The following CDH12 variants were observed in gnomAD, a reference collection of about 807,000 sequenced individuals.
CDH12 encodes cadherin-12.
A neutral mutation model predicts 74.1 loss-of-function variants in CDH12; 41 were observed. That is an observed-to-expected ratio of 0.55 (90% CI 0.43 to 0.72). The LOEUF (loss-of-function observed/expected upper bound fraction) is 0.72. CDH12 is among the 30% of genes least tolerant of loss of function. The probability of loss-of-function intolerance (pLI) is 0.00; values close to 1 mark genes in which losing one functional copy is unlikely to be tolerated. For missense variants in CDH12, 945 were observed against 977.2 expected (o/e 0.97, Z 0.44); for synonymous variants, 399 against 355.0 (o/e 1.12, Z -1.39).
intron 1 of CDH12, among the ~76,000 whole-genome samples, chr5:22,731,521 A>G (rs1432735973): frequency 6.6e-6 from 1 of 151,896 alleles, no homozygotes; most frequent in Non-Finnish European, 1.5e-5. Context: ...TTCATTTACT[A>G]TAAGACAAAA....
intron 4 of CDH12, among the ~76,000 whole-genome samples, chr5:22,202,169 C>CCCTTCCTTCCTTCCTTCCTT: frequency 1.2e-5 from 1 of 82,102 alleles, no homozygotes; most frequent in Non-Finnish European, 2.5e-5. Flanking sequence ...CTTCCTTCCT[C>CCCTTCCTTCCTTCCTTCCTT]CCTTCCTTCC....
chr5:22,332,223 C>T (rs1182848251), intron 3 of CDH12, among the ~76,000 whole-genome samples: 1 of 152,002 alleles, frequency 6.6e-6, no homozygotes, highest in Non-Finnish European at 1.5e-5. Flanking sequence ...ATAATCAATT[C>T]CCAAAGGCCA....
intron 1 of CDH12, among the ~76,000 whole-genome samples, chr5:22,563,167 C>G (rs1269070420): frequency 6.6e-6 from 1 of 151,050 alleles, no homozygotes; most frequent in African/African-American, 2.4e-5. Context: ...GGAACAGAGT[C>G]ATGTTGTGGC....
chr5:22,845,825 T>C (rs1445386394), intron 1 of CDH12, among the ~76,000 whole-genome samples: 2 of 152,174 alleles, frequency 1.3e-5, no homozygotes, highest in African/African-American at 2.4e-5. Flanking sequence ...TTTGATACTA[T>C]ATCGGAGAGT....
chr5:22,577,753 C>A (rs1739866159), intron 1 of CDH12, among the ~76,000 whole-genome samples: 1 of 152,080 alleles, frequency 6.6e-6, no homozygotes, highest in Non-Finnish European at 1.5e-5. Flanking sequence ...GTTATTATCC[C>A]AAGTTTTCTT....
intron 3 of CDH12, among the ~76,000 whole-genome samples, chr5:22,351,894 T>C (rs935345358): frequency 1.3e-5 from 2 of 152,146 alleles, no homozygotes; most frequent in African/African-American, 4.8e-5. Flanking sequence ...ATGACTCATA[T>C]AGTAGTAATT....
At position 21,781,877 on chromosome 5, in the gene CDH12, T is replaced by C. The variant is rs561708470; in HGVS notation, c.1393+1481A>G. On this transcript the variant is annotated intron_variant, in intron 11 of 14. Coordinates refer to ENST00000382254, the MANE Select transcript of CDH12 (RefSeq NM_004061.5). ...GGAATGAAAGTTCTGATTATGTCTT[T>C]GAGTTCTTCAGATATCTGTTCCCAT... 2.0e-5 allele frequency among the ~76,000 whole-genome samples: 3 copies of C among 152,382 alleles called. No individual in the cohort carries two copies. In the South Asian group the frequency reaches 6.2e-4, roughly 32 times the overall value.
chr5:22,760,466 G>A (rs1207035630), intron 1 of CDH12, among the ~76,000 whole-genome samples: 2 of 152,000 alleles, frequency 1.3e-5, no homozygotes, highest in Non-Finnish European at 2.9e-5. Flanking sequence ...GGATCAAAAG[G>A]TCAGGAGTTC....
At chr5:22,584,997 A>G (rs1191214629) in intron 1 of CDH12, among the ~76,000 whole-genome samples, 1 of 152,214 alleles carries the variant, frequency 6.6e-6, no homozygotes, top group Admixed American at 6.5e-5. Flanking sequence ...TTAATAAGCT[A>G]GCTTTCAGTT....
At chr5:22,373,416 C>T (rs1450602373) in intron 3 of CDH12, among the ~76,000 whole-genome samples, 1 of 152,184 alleles carries the variant, frequency 6.6e-6, no homozygotes, top group Non-Finnish European at 1.5e-5. Flanking sequence ...ACTGAGAAAC[C>T]TCTCACATGC....
intron 1 of CDH12, among the ~76,000 whole-genome samples, chr5:22,588,912 A>G (rs1240081213): frequency 6.6e-6 from 1 of 152,146 alleles, no homozygotes; most frequent in Non-Finnish European, 1.5e-5. Context: ...TTTCTTTGTA[A>G]GATCACTCTT....
At chr5:22,495,152 G>C (rs1397883769) in intron 2 of CDH12, among the ~76,000 whole-genome samples, 2 of 152,088 alleles carry the variant, frequency 1.3e-5, no homozygotes, top group African/African-American at 4.8e-5. Flanking sequence ...CATGTGCTTA[G>C]ATGGCAGGCA....
intron 3 of CDH12, among the ~76,000 whole-genome samples, chr5:22,263,616 C>A (rs1753600778): frequency 6.6e-6 from 1 of 151,966 alleles, no homozygotes; most frequent in Non-Finnish European, 1.5e-5. Context: ...ATTAGAAATG[C>A]AATGATACAA....
intron 10 of CDH12, among the ~76,000 whole-genome samples, chr5:21,795,165 T>C (rs936507959): frequency 2.0e-5 from 3 of 151,472 alleles, no homozygotes; most frequent in African/African-American, 4.8e-5. Flanking sequence ...AAGTTCATGA[T>C]TATTTGCAAA....
At chr5:22,371,053 C>A (rs1741267158) in intron 3 of CDH12, among the ~76,000 whole-genome samples, 1 of 152,056 alleles carries the variant, frequency 6.6e-6, no homozygotes, top group African/African-American at 2.4e-5. Flanking sequence ...TACTAATTGG[C>A]AAATAAATGG....
At chr5:21,767,692 T>A (rs1745103343) in intron 11 of CDH12, among the ~76,000 whole-genome samples, 1 of 151,718 alleles carries the variant, frequency 6.6e-6, no homozygotes. Flanking sequence ...GATGTTTACA[T>A]TGTTGAAAAT....
At chr5:22,255,311 T>G (rs532323710) in intron 3 of CDH12, among the ~76,000 whole-genome samples, 11 of 151,786 alleles carry the variant, frequency 7.2e-5, no homozygotes, top group Non-Finnish European at 1.2e-4. Flanking sequence ...ACCATAAGGC[T>G]CAAGAGAATT....
At chr5:21,899,492 C>G (rs1753283910) in intron 6 of CDH12, among the ~76,000 whole-genome samples, 1 of 152,118 alleles carries the variant, frequency 6.6e-6, no homozygotes, top group Non-Finnish European at 1.5e-5. Context: ...TATATTTGTG[C>G]TTGGGATAAA....
chr5:22,494,335 G>T (rs1235853671), intron 2 of CDH12, among the ~76,000 whole-genome samples: 1 of 152,150 alleles, frequency 6.6e-6, no homozygotes, highest in African/African-American at 2.4e-5. Flanking sequence ...GTGTGGATGT[G>T]GGTGTGAGTA....
Sources: gnomAD v4.1 joint callset for allele counts (sites outside exome capture counted in the v4.1 genomes callset) on GRCh38, gnomAD v4.1.1 for gene constraint, MANE v1.5 for transcripts, NCBI Gene and HGNC (gene_info 2026-07-23, HGNC 2026-07-21) for gene names.